LRP2: variants seen among roughly 807,000 people sequenced by gnomAD.
LRP2 encodes low-density lipoprotein receptor-related protein 2.
LRP2 carries 172 observed loss-of-function variants against 531.0 expected under a neutral mutation model. The ratio of observed to expected loss-of-function variants is 0.32; its 90% CI spans 0.29 to 0.37. The LOEUF (loss-of-function observed/expected upper bound fraction) is 0.37, where lower values mean the gene tolerates loss of function less well. Among genes scored for constraint, LRP2 ranks in the 10% least tolerant of loss-of-function variants. The pLI, the probability that LRP2 is intolerant of heterozygous loss-of-function variation, is 1.00. For missense variants in LRP2, 5,167 were observed against 5,868.3 expected (o/e 0.88, Z 3.90); for synonymous variants, 1,992 against 2,027.6 (o/e 0.98, Z 0.47).
intron 71 of LRP2, 31 bp downstream of exon 71, chr2:169,142,643 G>A (rs1685765070): frequency 1.2e-6 from 2 of 1,612,128 alleles, no homozygotes; most frequent in African/African-American, 2.7e-5. Context: ...GTGCTCCCAG[G>A]CCCCCATAGC....
At chr2:169,209,422 A>T in intron 38 of LRP2, 31 bp downstream of exon 38, 1 of 1,603,798 alleles carries the variant, frequency 6.2e-7, no homozygotes, top group Non-Finnish European at 8.5e-7. Context: ...AGAGATGCAA[A>T]CATATTAAAA....
intron 60 of LRP2, among the ~76,000 whole-genome samples, chr2:169,168,909 G>A (rs769484866): frequency 1.3e-5 from 2 of 152,130 alleles, no homozygotes; most frequent in Non-Finnish European, 2.9e-5. Context: ...GACAGCACTG[G>A]ACTTAATCTC....
intron 47 of LRP2, among the ~76,000 whole-genome samples, chr2:169,192,503 G>A (rs1687865490): frequency 4.6e-5 from 7 of 152,122 alleles, no homozygotes; most frequent in Admixed American, 4.6e-4. Flanking sequence ...CATAGAACTA[G>A]GTGAAGAGCT....
At chr2:169,172,737 C>G (rs1558994269) in intron 57 of LRP2, among the ~76,000 whole-genome samples, 1 of 152,154 alleles carries the variant, frequency 6.6e-6, no homozygotes. Context: ...GATACGAAGT[C>G]TTTTCTCTAA....
At chr2:169,151,117 C>T (rs1686103595) in intron 67 of LRP2, 91 bp from the exon 68 acceptor site, 1 of 1,361,728 alleles carries the variant, frequency 7.3e-7, no homozygotes, top group African/African-American at 1.4e-5. Flanking sequence ...TTTCGTTTGG[C>T]TGGTGAGACA....
chr2:169,189,263 A>G (rs113929367), intron 48 of LRP2, among the ~76,000 whole-genome samples: 5 of 152,346 alleles, frequency 3.3e-5, no homozygotes, highest in Non-Finnish European at 5.9e-5. Flanking sequence ...GAATGTGGTC[A>G]GTTTTACAAC....
At chr2:169,357,477 GTGCGTCAC>G (rs1686025831) in intron 1 of LRP2, among the ~76,000 whole-genome samples, 1 of 151,860 alleles carries the variant, frequency 6.6e-6, no homozygotes, top group Non-Finnish European at 1.5e-5. Flanking sequence ...GATTACAGGT[GTGCGTCAC>G]CACGCCCAGC....
chr2:169,266,124 A>G (rs1010848352), intron 16 of LRP2, among the ~76,000 whole-genome samples: 9 of 152,084 alleles, frequency 5.9e-5, no homozygotes, highest in African/African-American at 2.2e-4. Context: ...TGTTAATAAT[A>G]TAAACACATA....
chr2:169,362,189 G>T, intron 1 of LRP2, 132 bp downstream of exon 1: 1 of 709,874 alleles, frequency 1.4e-6, no homozygotes, highest in Middle Eastern at 4.1e-4. Context: ...GCGCCCCACC[G>T]GGAGCAGCTC....
chr2:169,290,989 G>A lies in LRP2; in HGVS notation c.778C>T (p.Pro260Ser). 6.2e-7 allele frequency: 1 copy of A among 1,614,028 alleles called. No individual in the cohort carries two copies. The highest frequency in any genetic ancestry group is 8.5e-7 in the Non-Finnish European group (1 of 1,179,950). ...GGGGAACATTTATGAACATCATGAG[G>A]ACCGCTTTCTGTGGGGGGAAAAAGA... ...NGDEDGCESG[P>S]HDVHKCSPRE... Residue 260 changes from proline (P) to serine (S), a missense_variant, in exon 8 of 79, where the codon CCT (proline) becomes TCT (serine). Transcript: ENST00000649046.
chr2:169,333,201 G>T (rs1685311106), intron 1 of LRP2, among the ~76,000 whole-genome samples: 1 of 151,880 alleles, frequency 6.6e-6, no homozygotes, highest in Non-Finnish European at 1.5e-5. Flanking sequence ...CAATATTTTT[G>T]TATTTTTCCC....
chr2:169,257,068 T>C, intron 18 of LRP2, 56 bp downstream of exon 18: 1 of 1,603,844 alleles, frequency 6.2e-7, no homozygotes, highest in Non-Finnish European at 8.5e-7. Context: ...ACCTGCCTCA[T>C]TATGTGTTCT....
chr2:169,226,719 A>G (rs1689213584), intron 31 of LRP2, 131 bp from the exon 32 acceptor site: 4 of 740,670 alleles, frequency 5.4e-6, no homozygotes, highest in Middle Eastern at 3.6e-4. Flanking sequence ...AATAAATATA[A>G]TGTACTTCAT....
chr2:169,221,469 A>C (rs116488568), intron 33 of LRP2, among the ~76,000 whole-genome samples: 2,798 of 152,300 alleles, frequency 0.018, 88 homozygotes, highest in African/African-American at 0.061. Flanking sequence ...GCACATAGAA[A>C]TATAGTTTAT....
intron 1 of LRP2, among the ~76,000 whole-genome samples, chr2:169,347,556 C>T (rs147175713): frequency 1.2e-4 from 18 of 150,816 alleles, no homozygotes; most frequent in Non-Finnish European, 2.2e-4. Context: ...AGGTAAGGGT[C>T]CTTTGAATTA....
chr2:169,204,353 C>T, intron 41 of LRP2, 82 bp from the exon 42 acceptor site: 1 of 1,292,348 alleles, frequency 7.7e-7, no homozygotes, highest in Non-Finnish European at 1.1e-6. Context: ...GCATGCGCCT[C>T]ATCATTGTTT....
intron 16 of LRP2, among the ~76,000 whole-genome samples, chr2:169,259,437 A>G (rs547127301): frequency 3.0e-4 from 45 of 152,100 alleles, no homozygotes; most frequent in African/African-American, 1.1e-3. Context: ...TTGGATCTCA[A>G]AGAGTAGATA....
At chr2:169,277,979 A>G (rs1683599855) in intron 12 of LRP2, 28 bp from the exon 13 acceptor site, 1 of 1,581,374 alleles carries the variant, frequency 6.3e-7, no homozygotes, top group Non-Finnish European at 8.7e-7. Context: ...AAGATGAAAG[A>G]ATCTGGTATT....
chr2:169,166,205 T>C, intron 61 of LRP2, 151 bp from the exon 62 acceptor site: 1 of 752,560 alleles, frequency 1.3e-6, no homozygotes, highest in East Asian at 2.7e-5. Context: ...ACCTTACATG[T>C]ATAGTACACA....
Sources: allele counts gnomAD v4.1 joint callset (sites outside exome capture counted in the v4.1 genomes callset), GRCh38; gene constraint gnomAD v4.1.1; transcripts MANE v1.5; gene names NCBI Gene and HGNC (gene_info 2026-07-23, HGNC 2026-07-21).